LPP: variants seen among roughly 807,000 people sequenced by gnomAD.
LPP encodes lipoma-preferred partner.
In LPP, 38 loss-of-function variants were observed where a neutral mutation model predicts 60.4. That is an observed-to-expected ratio of 0.63 (90% CI 0.49 to 0.83). LPP has a LOEUF of 0.83. Among genes scored for constraint, LPP ranks in the 40% least tolerant of loss-of-function variants. LPP has a pLI of 0.00. For missense variants in LPP, 902 were observed against 783.6 expected, an observed-to-expected ratio of 1.15 and a Z score of -1.80; for synonymous variants, 328 against 290.8, an observed-to-expected ratio of 1.13 and a Z score of -1.30.
intron 6 of LPP, among the ~76,000 whole-genome samples, chr3:188,589,397 T>C (rs1838178319): frequency 6.6e-6 from 1 of 152,174 alleles, no homozygotes; most frequent in Non-Finnish European, 1.5e-5. Context: ...GCAGATCTGT[T>C]ACCTTCTGTC....
chr3:188,375,205 G>A (rs6792815), intron 3 of LPP, among the ~76,000 whole-genome samples: 5 of 152,124 alleles, frequency 3.3e-5, no homozygotes, highest in East Asian at 1.9e-4. Flanking sequence ...TTGGTATCAG[G>A]ATGATGCTGG....
In LPP at chr3:188,524,917, T is replaced by TAG. The variant is rs1560518866; in HGVS notation, c.429+130_429+131insAG. The TAG allele has an allele frequency of 6.3e-6, 4 of 636,386 alleles. No homozygotes were observed. In the East Asian group the frequency reaches 1.2e-4, roughly 20 times the overall value. 39.4% of individuals were successfully genotyped at this position (636,386 alleles called of 1,614,324 possible). A position where few individuals can be genotyped will look rare whatever the true frequency, so the allele number is the denominator to read the frequency against. On this transcript the variant is annotated intron_variant, in intron 6 of 11. Transcript: ENST00000617246. ...CGTCCGTCCTTCCTTCCTTCCTTCC[T>TAG]TCCTTCCTTCCTTCCTTCCTTCCTT...
chr3:188,755,360 GTCCTGCC>G lies in LPP; in HGVS notation c.1241-4750_1241-4744del, dbSNP rs554163621. 3.3e-4 allele frequency among the ~76,000 whole-genome samples: 51 copies of G among 152,244 alleles called. 2 individuals are homozygous for G. In the East Asian group the frequency reaches 9.7e-3, roughly 29 times the overall value. The stretch of plus-strand genomic sequence containing the variant: ...CCCAAAATGGCTGTGGACAGCTTTG[GTCCTGCC>G]TCAAAACAAGCACTGCTTGCAAAAG... On this transcript the variant is annotated intron_variant, in intron 8 of 11. Transcript: ENST00000617246.
intron 11 of LPP, 80 bp downstream of exon 11, chr3:188,872,843 A>G: frequency 6.3e-7 from 1 of 1,577,738 alleles, no homozygotes; most frequent in Non-Finnish European, 8.6e-7. Flanking sequence ...TAGATGTAGC[A>G]ATTACTAAAT....
rs1268147155 is a variant in LPP, at chr3:188,182,747, C to CATATATGTACATATATT, written c.-190+28504_-190+28520dup. On this transcript the variant is annotated intron_variant, in intron 1 of 11. Transcript: ENST00000617246. This position sits in a 1 kb window ranked among gnomAD's most constrained non-coding sequence, Gnocchi z 4.4. ...ATAACATATGCACATAATATATATA[C>CATATATGTACATATATT]ATATATGTACATATATTATATATGT... Among the ~76,000 whole-genome samples, 1 of 149,738 alleles carries CATATATGTACATATATT rather than the reference C, an allele frequency of 6.7e-6. No individual in the cohort carries two copies. The highest frequency in any genetic ancestry group is 1.5e-5 in the Non-Finnish European group (1 of 67,604).
At chr3:188,380,148 C>G in intron 3 of LPP, among the ~76,000 whole-genome samples, 1 of 152,304 alleles carries the variant, frequency 6.6e-6, no homozygotes, top group Middle Eastern at 3.4e-3. Context: ...GTACTTTTCC[C>G]TCATATTCCA....
Position 188,876,519 on chromosome 3 carries a change from G to A in LPP, c.*2040G>A, listed in dbSNP as rs1036041155. 3.9e-5 allele frequency: 8 copies of A among 204,786 alleles called. No individual in the cohort carries two copies. Among genetic ancestry groups the A allele is most frequent in the African/African-American group, 6.9e-5 (3 of 43,702 alleles). 12.7% of individuals were successfully genotyped at this position (204,786 alleles called of 1,614,324 possible). The stretch of plus-strand genomic sequence containing the variant: ...TTAGTTTTGGGAGGCAATGTCAACT[G>A]TGTCTCTGAATTCCTGTCTTCCAAA... On this transcript the variant is annotated 3_prime_UTR_variant, in exon 12 of 12. Coordinates refer to ENST00000617246, the MANE Select transcript of LPP (RefSeq NM_001375462.1).
intron 3 of LPP, among the ~76,000 whole-genome samples, chr3:188,374,382 C>A (rs7634354): frequency 0.87 from 131,422 of 151,554 alleles, 58,750 homozygotes; most frequent in Non-Finnish European, 0.97. Flanking sequence ...CTTTTATTTC[C>A]TTGAGCAGTG....
intron 2 of LPP, among the ~76,000 whole-genome samples, chr3:188,267,186 A>G (rs566044879): frequency 6.6e-6 from 1 of 152,216 alleles, no homozygotes; most frequent in South Asian, 2.1e-4. Context: ...ATGATCATTG[A>G]CTTCTTGCCT....
At chr3:188,156,846 G>GCCCC (rs199686814) in intron 1 of LPP, among the ~76,000 whole-genome samples, 11 of 146,366 alleles carry the variant, frequency 7.5e-5, no homozygotes, top group Admixed American at 2.8e-4. Context: ...CCTCTGCTGC[G>GCCCC]CCCCACCCCC....
chr3:188,527,369 A>AAG (rs1560522503), intron 6 of LPP, among the ~76,000 whole-genome samples: 32 of 130,362 alleles, frequency 2.5e-4, no homozygotes, highest in Non-Finnish European at 4.3e-4. Context: ...AAAAAAAAAA[A>AAG]AGAGAGAATA....
intron 8 of LPP, among the ~76,000 whole-genome samples, chr3:188,736,098 T>C (rs1418379968): frequency 6.6e-6 from 1 of 152,196 alleles, no homozygotes; most frequent in Non-Finnish European, 1.5e-5. Flanking sequence ...CCAGATAGAC[T>C]GCAAAACTTA....
chr3:188,513,949 G>A (rs114683950), intron 5 of LPP, among the ~76,000 whole-genome samples: 2,313 of 151,924 alleles, frequency 0.015, 63 homozygotes, highest in African/African-American at 0.053. Flanking sequence ...AGTATTAGAG[G>A]TTAAAAAAAT....
At chr3:188,870,199 T>A (rs1342859331) in intron 10 of LPP, among the ~76,000 whole-genome samples, 1 of 152,156 alleles carries the variant, frequency 6.6e-6, no homozygotes. Context: ...TTTACAATAA[T>A]CATCTTGTAT....
At chr3:188,873,457 C>A (rs1768686912) in intron 11 of LPP, among the ~76,000 whole-genome samples, 1 of 152,148 alleles carries the variant, frequency 6.6e-6, no homozygotes. Flanking sequence ...TATTTATTTT[C>A]CAAAGAAACT....
At chr3:188,689,468 A>G (rs1292814937) in intron 7 of LPP, among the ~76,000 whole-genome samples, 6 of 152,236 alleles carry the variant, frequency 3.9e-5, no homozygotes, top group Non-Finnish European at 7.3e-5. Context: ...TCCTTCTCAC[A>G]GTGGCTTAGA....
At chr3:188,357,797 CA>C (rs1158894907) in intron 3 of LPP, among the ~76,000 whole-genome samples, 2 of 152,006 alleles carry the variant, frequency 1.3e-5, no homozygotes, top group East Asian at 3.9e-4. Context: ...TGAGAATAAA[CA>C]AAAAAACAGC....
rs1163430260 is a variant in LPP at position 188,352,101 on chromosome 3, C to T, written c.-10+10382C>T. ...TTTGCTTCTTCCCCTTCCTCCTTCT[C>T]CTGACTTAACCTTGGGTGGCCGCAG... On this transcript the variant is annotated intron_variant, in intron 3 of 11. Coordinates refer to ENST00000617246, the MANE Select transcript of LPP (RefSeq NM_001375462.1). The surrounding 1 kb of genome is among the most constrained non-coding windows in gnomAD (Gnocchi z 4.4). Among the ~76,000 whole-genome samples the T allele has an allele frequency of 6.6e-6, 1 of 152,210 alleles. No individual in the cohort carries two copies. The highest frequency in any genetic ancestry group is 1.5e-5 in the Non-Finnish European group (1 of 68,042).
chr3:188,201,646 G>A (rs1210814590), intron 1 of LPP, among the ~76,000 whole-genome samples: 1 of 152,150 alleles, frequency 6.6e-6, no homozygotes, highest in East Asian at 1.9e-4. Flanking sequence ...AGTGGAAGTT[G>A]CAGTGAGGTG....
Sources: allele counts gnomAD v4.1 joint callset (sites outside exome capture counted in the v4.1 genomes callset), GRCh38; gene constraint gnomAD v4.1.1; non-coding constraint Gnocchi (gnomAD v3.1); transcripts MANE v1.5; gene names NCBI Gene and HGNC (gene_info 2026-07-23, HGNC 2026-07-21).